The following C12orf56 variants were observed in gnomAD, a reference collection of about 807,000 sequenced individuals.
C12orf56 encodes the protein chromosome 12 open reading frame 56.
In C12orf56, 71 loss-of-function variants were observed where a neutral mutation model predicts 69.9. The ratio of observed to expected loss-of-function variants is 1.02; its 90% confidence interval spans 0.84 to 1.24. The LOEUF (loss-of-function observed/expected upper bound fraction) is 1.24. Among genes scored for constraint, C12orf56 ranks in the 50% most tolerant of loss-of-function variants. The pLI, the probability that C12orf56 is intolerant of heterozygous loss-of-function variation, is 0.00. For missense variants in C12orf56, 732 were observed against 738.5 expected (o/e 0.99, Z 0.10); for synonymous variants, 276 against 274.1 (o/e 1.01, Z -0.07).
intron 1 of C12orf56, among the ~76,000 whole-genome samples, chr12:64,375,699 T>A (rs2039630150): frequency 6.6e-6 from 1 of 152,220 alleles, no homozygotes; most frequent in Admixed American, 6.5e-5. Context: ...TCTATGGTCA[T>A]TCAGCATCTG....
At chr12:64,370,973 T>C (rs538564859) in intron 1 of C12orf56, among the ~76,000 whole-genome samples, 3 of 152,188 alleles carry the variant, frequency 2.0e-5, no homozygotes, top group African/African-American at 7.2e-5. Context: ...ACACTCCACA[T>C]TGGGCCATAG....
chr12:64,308,940 GAAGAAAGAAAGA>G (rs1555188252), intron 5 of C12orf56, among the ~76,000 whole-genome samples: 1 of 80,828 alleles, frequency 1.2e-5, no homozygotes, highest in Non-Finnish European at 2.5e-5. Flanking sequence ...AAGAAAGAAA[GAAGAAAGAAAGA>G]AAGAAAGAAA....
chr12:64,337,110 A>T (rs1388617517), intron 2 of C12orf56, among the ~76,000 whole-genome samples: 1 of 152,218 alleles, frequency 6.6e-6, no homozygotes, highest in Non-Finnish European at 1.5e-5. Context: ...ACTCCCAATT[A>T]CAGGGACAGA....
intron 3 of C12orf56, among the ~76,000 whole-genome samples, chr12:64,319,440 G>C (rs1032252091): frequency 2.0e-5 from 3 of 152,190 alleles, no homozygotes; most frequent in Non-Finnish European, 2.9e-5. Flanking sequence ...CTGTCACCCA[G>C]GTTGGAGTAC....
Position 64,274,933 on chromosome 12 carries a change from T to G in C12orf56, c.1552A>C (p.Ile518Leu). The G allele has an allele frequency of 1.2e-6, 2 of 1,612,714 alleles. No homozygotes were observed. The highest frequency in any genetic ancestry group is 1.7e-6 in the Non-Finnish European group (2 of 1,178,958). ...GGACAGCTTTGTAGAAAGGACATTATCCAGCTAATAGCAAACTTTGTGGAT... is the reference window on the plus strand; with the variant it reads ...GGACAGCTTTGTAGAAAGGACATTAGCCAGCTAATAGCAAACTTTGTGGAT... Reference protein sequence around the residue: ...LGSTKFAISWIMSFLQSCPPI... With the variant: ...LGSTKFAISWLMSFLQSCPPI... Residue 518 changes from isoleucine to leucine, a missense_variant, in exon 11 of 13, where the codon ATA becomes CTA. Coordinates refer to ENST00000543942, the MANE Select transcript of C12orf56 (RefSeq NM_001170633.2).
intron 1 of C12orf56, among the ~76,000 whole-genome samples, chr12:64,361,922 G>C (rs928326198): frequency 6.6e-6 from 1 of 152,002 alleles, no homozygotes; most frequent in African/African-American, 2.4e-5. Flanking sequence ...AATAGAGATG[G>C]GGTTTCTCCA....
At chr12:64,337,854 C>CAAAAAAA (rs748434656) in intron 2 of C12orf56, among the ~76,000 whole-genome samples, 13 of 90,706 alleles carry the variant, frequency 1.4e-4, no homozygotes, top group East Asian at 1.3e-3. Flanking sequence ...AAAATTCTGT[C>CAAAAAAA]AAAAAAAAAA....
chr12:64,276,902 G>A (rs965776454), intron 9 of C12orf56, among the ~76,000 whole-genome samples: 22 of 149,008 alleles, frequency 1.5e-4, no homozygotes, highest in Non-Finnish European at 2.7e-4. Flanking sequence ...TCTGAAGTGA[G>A]AGCATTACTT....
At chr12:64,388,016 C>G (rs915916692) in intron 1 of C12orf56, among the ~76,000 whole-genome samples, 1 of 152,062 alleles carries the variant, frequency 6.6e-6, no homozygotes, top group Non-Finnish European at 1.5e-5. Context: ...GTTGCCCAGT[C>G]TGGAGTGCAA....
intron 8 of C12orf56, among the ~76,000 whole-genome samples, chr12:64,281,303 G>T (rs929864299): frequency 6.6e-6 from 1 of 151,614 alleles, no homozygotes; most frequent in Non-Finnish European, 1.5e-5. Context: ...GGGTGCGGTG[G>T]CTCATGCCTA....
intron 1 of C12orf56, among the ~76,000 whole-genome samples, chr12:64,365,660 G>C (rs1461386220): frequency 6.8e-6 from 1 of 147,034 alleles, no homozygotes; most frequent in African/African-American, 2.5e-5. Flanking sequence ...AGCACTTTGG[G>C]AGGCTCAGGT....
chr12:64,377,126 T>C (rs1165027257), intron 1 of C12orf56, among the ~76,000 whole-genome samples: 1 of 152,174 alleles, frequency 6.6e-6, no homozygotes, highest in Non-Finnish European at 1.5e-5. Flanking sequence ...TGTTGAACTT[T>C]TTTCACATAT....
At chr12:64,343,946 G>A (rs1437789071) in intron 2 of C12orf56, among the ~76,000 whole-genome samples, 1 of 152,120 alleles carries the variant, frequency 6.6e-6, no homozygotes, top group Non-Finnish European at 1.5e-5. Flanking sequence ...CTGGCACTGG[G>A]GAAATGACCA....
chr12:64,339,185 G>T (rs141321200), intron 2 of C12orf56, among the ~76,000 whole-genome samples: 1 of 151,992 alleles, frequency 6.6e-6, no homozygotes, highest in Admixed American at 6.6e-5. Flanking sequence ...AAATGTTAAC[G>T]TCAAATAAAA....
chr12:64,342,919 G>A (rs2135940619), intron 2 of C12orf56, among the ~76,000 whole-genome samples: 1 of 152,320 alleles, frequency 6.6e-6, no homozygotes, highest in African/African-American at 2.4e-5. Context: ...CATTGGATCT[G>A]CCAGGTCATA....
At position 64,264,949 on chromosome 12, in the gene C12orf56, C is replaced by T. The variant is rs2037905214; in HGVS notation, c.*2234G>A. The T allele has an allele frequency of 6.6e-6, 1 of 152,130 alleles. No homozygotes were observed. The highest frequency in any genetic ancestry group is 2.4e-5 in the African/African-American group (1 of 41,416). 9.4% of individuals were successfully genotyped at this position (152,130 alleles called of 1,614,324 possible). ...GATATATTTTGACAGAGATTTTGCT[C>T]CCAGAGATTAAAGTAAGATCCCAGG... is the stretch of plus-strand genomic sequence containing the variant. On this transcript the variant is annotated 3_prime_UTR_variant, in exon 13 of 13. Transcript: ENST00000543942.
At position 64,328,104 on chromosome 12, in the gene C12orf56, G is replaced by A. The variant is rs983590173; in HGVS notation, c.488+2856C>T. The stretch of plus-strand genomic sequence containing the variant: ...TTGTTCAAACTGTGAGAGAGGGTGA[G>A]AATGACAGAAAGTGCAGTGAGAAAA... On this transcript the variant is annotated intron_variant, in intron 3 of 12. Coordinates refer to ENST00000543942, the MANE Select transcript of C12orf56 (RefSeq NM_001170633.2). Among the ~76,000 whole-genome samples the A allele has an allele frequency of 3.9e-5, 6 of 151,976 alleles. No individual in the cohort carries two copies. The East Asian group carries it at 9.7e-4, about 25-fold the overall frequency.
At chr12:64,386,398 A>ATTTATAT (rs2039790469) in intron 1 of C12orf56, among the ~76,000 whole-genome samples, 1 of 87,344 alleles carries the variant, frequency 1.1e-5, no homozygotes, top group Non-Finnish European at 2.2e-5. Context: ...ATATATATAT[A>ATTTATAT]TTTTTTTTTT....
intron 11 of C12orf56, among the ~76,000 whole-genome samples, chr12:64,272,517 A>C (rs1355917160): frequency 6.6e-6 from 1 of 151,688 alleles, no homozygotes; most frequent in Non-Finnish European, 1.5e-5. Context: ...ATAAATAAAT[A>C]AATAAATAAA....
Sources: allele counts gnomAD v4.1 joint callset (sites outside exome capture counted in the v4.1 genomes callset), GRCh38; gene constraint gnomAD v4.1.1; transcripts MANE v1.5; gene names NCBI Gene and HGNC (gene_info 2026-07-23, HGNC 2026-07-21).